GRXCR1: variants seen among roughly 807,000 people sequenced by gnomAD.
The protein encoded by GRXCR1 is glutaredoxin and cysteine rich domain containing 1, also known as glutaredoxin domain-containing cysteine-rich protein 1.
In GRXCR1, 27 loss-of-function variants were observed where a neutral mutation model predicts 27.3. The observed-to-expected ratio is 0.99, with a 90% CI of 0.73 to 1.37. The LOEUF (loss-of-function observed/expected upper bound fraction) is 1.37. Ranked by LOEUF, GRXCR1 falls within the 40% of genes most tolerant of loss-of-function variation. The pLI, the probability that GRXCR1 is intolerant of heterozygous loss-of-function variation, is 0.00. For synonymous variants in GRXCR1, 122 were observed against 131.1 expected, an observed-to-expected ratio of 0.93 and a Z score of 0.47; for missense variants, 379 against 354.4, an observed-to-expected ratio of 1.07 and a Z score of -0.56.
chr4:43,007,093 T>G (rs1364484360), intron 2 of GRXCR1, among the ~76,000 whole-genome samples: 4 of 152,202 alleles, frequency 2.6e-5, no homozygotes, highest in Non-Finnish European at 5.9e-5. Flanking sequence ...TAGGGTTAAC[T>G]AATAGATTCT....
chr4:42,992,011 AC>A (rs983751461), intron 2 of GRXCR1, among the ~76,000 whole-genome samples: 10 of 152,254 alleles, frequency 6.6e-5, no homozygotes, highest in African/African-American at 2.4e-4. Context: ...CTTTTGCAGC[AC>A]TTTCTTAAAG....
chr4:43,016,480 C>G (rs1329602125), intron 2 of GRXCR1, among the ~76,000 whole-genome samples: 2 of 152,104 alleles, frequency 1.3e-5, no homozygotes, highest in Non-Finnish European at 2.9e-5. Flanking sequence ...TTAAATTTGC[C>G]TTACTACTTG....
intron 2 of GRXCR1, among the ~76,000 whole-genome samples, chr4:42,970,990 C>G (rs1171529726): frequency 6.6e-6 from 1 of 152,114 alleles, no homozygotes; most frequent in Admixed American, 6.6e-5. Context: ...ATCTTAAATG[C>G]TTTGCTGCTT....
chr4:43,022,763 C>G (rs759327975), intron 3 of GRXCR1, among the ~76,000 whole-genome samples: 2 of 152,152 alleles, frequency 1.3e-5, no homozygotes, highest in African/African-American at 4.8e-5. Context: ...AGATCCAAAC[C>G]GATCCCACTT....
intron 1 of GRXCR1, among the ~76,000 whole-genome samples, chr4:42,928,497 C>T (rs545521328): frequency 5.3e-5 from 8 of 151,908 alleles, no homozygotes; most frequent in South Asian, 2.1e-4. Flanking sequence ...TGAGTAATTG[C>T]GTTATTCTGT....
intron 2 of GRXCR1, among the ~76,000 whole-genome samples, chr4:43,015,820 T>A (rs540879399): frequency 2.0e-5 from 3 of 151,646 alleles, no homozygotes; most frequent in Non-Finnish European, 4.4e-5. Flanking sequence ...TAAATATATG[T>A]GTATATATAC....
chr4:43,024,718 T>A (rs1032746474), intron 3 of GRXCR1, among the ~76,000 whole-genome samples: 1 of 152,216 alleles, frequency 6.6e-6, no homozygotes, highest in South Asian at 2.1e-4. Context: ...TCTATTTATT[T>A]TTTTAGCAGC....
Position 42,976,598 on chromosome 4 carries a change from T to G in GRXCR1, c.627+13464T>G, listed in dbSNP as rs567466138. Among the ~76,000 whole-genome samples the G allele has an allele frequency of 2.6e-5, 4 of 152,130 alleles. No homozygotes were observed. The South Asian group carries it at 8.3e-4, about 31-fold the overall frequency. Reference sequence around the variant, plus strand: ...TAGTGTACACCAAAACCTCCCATTCTTGGTACCCTCATATTCCTTCCATAG... The same window carrying G: ...TAGTGTACACCAAAACCTCCCATTCGTGGTACCCTCATATTCCTTCCATAG... On this transcript the variant is annotated intron_variant, in intron 2 of 3. Transcript: ENST00000399770.
intron 1 of GRXCR1, among the ~76,000 whole-genome samples, chr4:42,955,549 A>G (rs1033198090): frequency 2.0e-5 from 3 of 151,880 alleles, no homozygotes; most frequent in Non-Finnish European, 4.4e-5. Context: ...CTGAACGTCA[A>G]CTCTGTCTCC....
chr4:42,949,340 C>T lies in GRXCR1; in HGVS notation c.385-13552C>T, dbSNP rs1475264585. On this transcript the variant is annotated intron_variant, in intron 1 of 3. Coordinates refer to ENST00000399770, the MANE Select transcript of GRXCR1 (RefSeq NM_001080476.3). The stretch of plus-strand genomic sequence containing the variant: ...CACTGCACTCCAGCCTGGCCACAGA[C>T]CAAGACTCCATCTCAAAAAAAAAAA... Among the ~76,000 whole-genome samples, 5 of 112,032 alleles carry T rather than the reference C, an allele frequency of 4.5e-5. No homozygotes were observed. The East Asian group carries it at 1.4e-3, about 32-fold the overall frequency. 73.5% of individuals were successfully genotyped at this position (112,032 alleles called of 152,430 possible). A position where few individuals can be genotyped will look rare whatever the true frequency, so the allele number is the denominator to read the frequency against.
intron 3 of GRXCR1, among the ~76,000 whole-genome samples, chr4:43,025,706 G>T (rs186423073): frequency 1.8e-3 from 279 of 152,352 alleles, no homozygotes; most frequent in South Asian, 4.1e-3. Context: ...GCCGGGCGCG[G>T]TGGCTCACGC....
At position 43,025,658 on chromosome 4, in the gene GRXCR1, C is replaced by T. The variant is rs532126332; in HGVS notation, c.694-4703C>T. Among the ~76,000 whole-genome samples, 8 of 152,290 alleles carry T rather than the reference C, an allele frequency of 5.3e-5. No individual in the cohort carries two copies. The South Asian group carries it at 1.0e-3, about 20-fold the overall frequency. ...TTAATTGCTTGCAGGTCAACGTTTC[C>T]GCAGCAGTCAATCTCTTCATTGAAA... On this transcript the variant is annotated intron_variant, in intron 3 of 3. Coordinates refer to ENST00000399770, the MANE Select transcript of GRXCR1 (RefSeq NM_001080476.3).
intron 2 of GRXCR1, among the ~76,000 whole-genome samples, chr4:42,968,783 A>C (rs1230846801): frequency 6.6e-6 from 1 of 151,588 alleles, no homozygotes; most frequent in Non-Finnish European, 1.5e-5. Flanking sequence ...GTTTTTTTTT[A>C]TTTTTTCAGG....
At chr4:42,960,527 A>T (rs1405728726) in intron 1 of GRXCR1, among the ~76,000 whole-genome samples, 1 of 151,596 alleles carries the variant, frequency 6.6e-6, no homozygotes, top group Admixed American at 6.6e-5. Flanking sequence ...AATTACACTG[A>T]TTTTTTCCAC....
At chr4:43,025,975 C>CAAA (rs373672727) in intron 3 of GRXCR1, among the ~76,000 whole-genome samples, 7 of 89,728 alleles carry the variant, frequency 7.8e-5, no homozygotes, top group African/African-American at 1.6e-4. Context: ...AACTCCGTCT[C>CAAA]AAAAAAAAAA....
At chr4:42,952,815 A>G (rs1747915657) in intron 1 of GRXCR1, among the ~76,000 whole-genome samples, 2 of 152,144 alleles carry the variant, frequency 1.3e-5, no homozygotes, top group Admixed American at 6.6e-5. Flanking sequence ...GAGAAACCCC[A>G]GAAGTCTCAG....
intron 2 of GRXCR1, among the ~76,000 whole-genome samples, chr4:42,971,999 C>T (rs571674257): frequency 5.2e-4 from 79 of 152,182 alleles, no homozygotes; most frequent in Non-Finnish European, 9.6e-4. Flanking sequence ...CCAGCTCAAG[C>T]GATCTCCCCA....
At chr4:43,027,020 A>C (rs949434681) in intron 3 of GRXCR1, among the ~76,000 whole-genome samples, 1 of 152,248 alleles carries the variant, frequency 6.6e-6, no homozygotes, top group Non-Finnish European at 1.5e-5. Flanking sequence ...CCAGAAGGCG[A>C]AGTATGGAAC....
At position 42,946,174 on chromosome 4, in the gene GRXCR1, A is replaced by G. The variant is rs2198058; in HGVS notation, c.385-16718A>G. ...AGTGGAATAGCCATGCCACAGCAACAACCTGAATTTCCACCTCAAGTATTT... is the reference window on the plus strand; with the variant it reads ...AGTGGAATAGCCATGCCACAGCAACGACCTGAATTTCCACCTCAAGTATTT... On this transcript the variant is annotated intron_variant, in intron 1 of 3. Transcript: ENST00000399770. Among the ~76,000 whole-genome samples the G allele has an allele frequency of 2.3e-3, 352 of 152,278 alleles. 2 individuals carry two copies. Among genetic ancestry groups the G allele is most frequent in the African/African-American group, 7.9e-3 (330 of 41,572 alleles).
Sources: gnomAD v4.1 joint callset for allele counts (sites outside exome capture counted in the v4.1 genomes callset) on GRCh38, gnomAD v4.1.1 for gene constraint, MANE v1.5 for transcripts, NCBI Gene and HGNC (gene_info 2026-07-23, HGNC 2026-07-21) for gene names.